The following NEBL variants were observed in gnomAD, a reference collection of about 807,000 sequenced individuals.
NEBL encodes nebulette.
NEBL carries 122 observed loss-of-function variants against 140.2 expected under a neutral mutation model. The ratio of observed to expected loss-of-function variants is 0.87; its 90% confidence interval spans 0.75 to 1.01. The LOEUF is 1.01. NEBL is among the 50% of genes least tolerant of loss of function. The pLI, the probability that NEBL is intolerant of heterozygous loss-of-function variation, is 0.00. For missense variants in NEBL, 1,365 were observed against 1,231.3 expected (o/e 1.11, Z -1.62); for synonymous variants, 436 against 398.9 (o/e 1.09, Z -1.11).
chr10:21,022,420 G>T (rs377675186), intron 2 of NEBL, among the ~76,000 whole-genome samples: 3 of 152,174 alleles, frequency 2.0e-5, no homozygotes, highest in Non-Finnish European at 4.4e-5. Context: ...TAGCACTTGC[G>T]AAATAAAGAT....
chr10:20,893,198 T>G (rs1171878122), intron 2 of NEBL, among the ~76,000 whole-genome samples: 2 of 152,096 alleles, frequency 1.3e-5, no homozygotes, highest in East Asian at 1.9e-4. Context: ...AAGATTCCCT[T>G]TTGCCCAATC....
At chr10:20,889,387 T>C (rs1846819638) in intron 3 of NEBL, among the ~76,000 whole-genome samples, 3 of 152,174 alleles carry the variant, frequency 2.0e-5, no homozygotes. Flanking sequence ...TTTATCCTAC[T>C]CCAAAATAGT....
intron 3 of NEBL, among the ~76,000 whole-genome samples, chr10:21,180,399 A>G (rs1219455672): frequency 5.9e-5 from 9 of 152,302 alleles, no homozygotes; most frequent in Non-Finnish European, 1.3e-4. Flanking sequence ...GTTGTCCTCC[A>G]TGAAAGAGAC....
At chr10:20,901,404 G>A (rs1054059520), upstream of NEBL, among the ~76,000 whole-genome samples, 11 of 152,250 alleles carry the variant, frequency 7.2e-5, no homozygotes, top group African/African-American at 2.4e-4. Context: ...CACCTTCCTT[G>A]AGGTCGCCTA....
intron 2 of NEBL, among the ~76,000 whole-genome samples, chr10:21,053,958 G>A (rs1834897714): frequency 2.6e-5 from 4 of 152,074 alleles, no homozygotes; most frequent in Admixed American, 2.0e-4. Context: ...ACTTGAACCT[G>A]GGAGGTGGAG....
At position 21,096,981 on chromosome 10, in the gene NEBL, C is replaced by T. The variant is rs78104890; in HGVS notation, c.164+75402G>A. On this transcript the variant is annotated intron_variant, in intron 2 of 6. Coordinates refer to the NEBL transcript ENST00000417816. The stretch of plus-strand genomic sequence containing the variant: ...AAGGCTCAATCAAAAATCTCCAAGG[C>T]ATCCTTAAAAAAAAAAGGTAATATT... Among the ~76,000 whole-genome samples the T allele has an allele frequency of 1.6e-3, 237 of 151,402 alleles. 8 individuals are homozygous for T. In the East Asian group the frequency reaches 0.041, roughly 26 times the overall value.
intron 2 of NEBL, among the ~76,000 whole-genome samples, chr10:21,072,590 T>G (rs1835868657): frequency 6.6e-6 from 1 of 151,952 alleles, no homozygotes; most frequent in South Asian, 2.1e-4. Context: ...AAGGACAGAG[T>G]GCGGAGCACA....
chr10:20,958,253 G>A (rs1413031688), intron 4 of NEBL, among the ~76,000 whole-genome samples: 9 of 152,096 alleles, frequency 5.9e-5, no homozygotes, highest in Admixed American at 2.0e-4. Context: ...TAAAATATTG[G>A]TAAATAAAGA....
At chr10:21,123,858 T>C (rs1417159216) in intron 2 of NEBL, among the ~76,000 whole-genome samples, 4 of 151,492 alleles carry the variant, frequency 2.6e-5, no homozygotes, top group Admixed American at 1.3e-4. Context: ...CAATCTAACA[T>C]TGAAGTTTGC....
At chr10:21,013,533 G>A (rs1003761999) in intron 3 of NEBL, among the ~76,000 whole-genome samples, 5 of 152,114 alleles carry the variant, frequency 3.3e-5, no homozygotes, top group South Asian at 2.1e-4. Flanking sequence ...AAAAACTGTC[G>A]GGAGAAGCAG....
chr10:20,886,454 G>T (rs997255444), intron 4 of NEBL, among the ~76,000 whole-genome samples: 1 of 152,054 alleles, frequency 6.6e-6, no homozygotes, highest in South Asian at 2.1e-4. Flanking sequence ...ACTTGAACCC[G>T]GGAGGCAGAG....
chr10:21,251,335 G>T (rs1209153132), intron 2 of NEBL, among the ~76,000 whole-genome samples: 1 of 152,174 alleles, frequency 6.6e-6, no homozygotes, highest in Non-Finnish European at 1.5e-5. Context: ...CCAGGTCGGG[G>T]TAGGGCTATC....
chr10:20,842,827 C>T (rs530680994), intron 12 of NEBL, among the ~76,000 whole-genome samples: 5 of 152,106 alleles, frequency 3.3e-5, no homozygotes, highest in South Asian at 4.1e-4. Context: ...GTATTCCTCC[C>T]GTTTAGAGAT....
chr10:21,012,543 A>AT lies in NEBL; in HGVS notation c.249+7573dup, dbSNP rs920924804. Among the ~76,000 whole-genome samples, 77 of 149,618 alleles carry AT rather than the reference A, an allele frequency of 5.1e-4. 1 individual carries two copies. Among genetic ancestry groups the AT allele is most frequent in the African/African-American group, 7.4e-4 (30 of 40,748 alleles). On this transcript the variant is annotated intron_variant, in intron 3 of 6. Coordinates refer to the NEBL transcript ENST00000417816. ...CCTAGCTTATTTATTTTTATTTGTT[A>AT]TTTTTTTTTGGCAAACACAATGGTT...
In NEBL at chr10:21,161,956, C is replaced by T. The variant is rs534327391; in HGVS notation, c.164+10427G>A. 2.6e-5 allele frequency among the ~76,000 whole-genome samples: 4 copies of T among 152,282 alleles called. No homozygotes were observed. In the South Asian group the frequency reaches 8.3e-4, roughly 32 times the overall value. On this transcript the variant is annotated intron_variant, in intron 2 of 6. Transcript: ENST00000417816. ...ATGTGATCAAGGTGGCTCAGTGCACCAGAAAAACCAACTCTGTGATTAGAG... is the reference window on the plus strand; with the variant it reads ...ATGTGATCAAGGTGGCTCAGTGCACTAGAAAAACCAACTCTGTGATTAGAG...
chr10:21,285,180 C>A (rs1314174627), intron 1 of NEBL, among the ~76,000 whole-genome samples: 7 of 152,158 alleles, frequency 4.6e-5, no homozygotes, highest in Admixed American at 3.3e-4. Context: ...TTCATGGTTA[C>A]AGAAGTGTGC....
intron 2 of NEBL, among the ~76,000 whole-genome samples, chr10:21,149,136 A>G (rs1840035157): frequency 6.6e-6 from 1 of 152,172 alleles, no homozygotes; most frequent in South Asian, 2.1e-4. Context: ...AATCACACCT[A>G]TCCGGTGAAG....
chr10:20,855,345 A>C (rs1842959706), intron 9 of NEBL, among the ~76,000 whole-genome samples: 1 of 152,008 alleles, frequency 6.6e-6, no homozygotes, highest in African/African-American at 2.4e-5. Flanking sequence ...TAAAATAATC[A>C]TGAATGTAAC....
chr10:20,947,643 A>G (rs143547042), intron 4 of NEBL, among the ~76,000 whole-genome samples: 153 of 152,052 alleles, frequency 1.0e-3, no homozygotes, highest in Non-Finnish European at 1.9e-3. Flanking sequence ...AGGCTTTGCT[A>G]TTTACAAATC....
Sources: allele counts gnomAD v4.1 joint callset (sites outside exome capture counted in the v4.1 genomes callset), GRCh38; gene constraint gnomAD v4.1.1; transcripts MANE v1.5; gene names NCBI Gene and HGNC (gene_info 2026-07-23, HGNC 2026-07-21).